EYA4: variants seen among roughly 807,000 people sequenced by gnomAD.
EYA4 encodes EYA transcriptional coactivator and phosphatase 4.
Under a neutral mutation model 87.9 loss-of-function variants are expected in EYA4, and 31 were observed. That is an observed-to-expected ratio of 0.35 (90% CI 0.27 to 0.48). The LOEUF is 0.48. EYA4 is among the 20% of genes least tolerant of loss of function. EYA4 has a pLI of 0.99. For missense variants in EYA4, 678 were observed against 761.4 expected, an observed-to-expected ratio of 0.89 and a Z score of 1.29; for synonymous variants, 263 against 270.6, an observed-to-expected ratio of 0.97 and a Z score of 0.28.
intron 6 of EYA4, among the ~76,000 whole-genome samples, chr6:133,460,532 TA>T (rs1488439057): frequency 6.6e-6 from 1 of 152,170 alleles, no homozygotes; most frequent in Non-Finnish European, 1.5e-5. Context: ...GATTATGTTT[TA>T]AAGAAATCAC....
chr6:133,524,986 G>A (rs1800501638), intron 18 of EYA4, 168 bp from the exon 19 acceptor site: 1 of 1,567,058 alleles, frequency 6.4e-7, no homozygotes, highest in South Asian at 1.1e-5. Context: ...TGCAGTGGCT[G>A]GAAGAATAAG....
intron 2 of EYA4, among the ~76,000 whole-genome samples, chr6:133,294,179 C>T (rs1285534737): frequency 6.7e-6 from 1 of 149,584 alleles, no homozygotes. Flanking sequence ...AGGCAGGTCT[C>T]TTTTTCCCTG....
chr6:133,274,336 A>G (rs1776991936), intron 1 of EYA4, among the ~76,000 whole-genome samples: 1 of 152,180 alleles, frequency 6.6e-6, no homozygotes, highest in African/African-American at 2.4e-5. Flanking sequence ...TACTTTTTCA[A>G]ATTATTTTAT....
At chr6:133,303,101 C>T (rs1163979891) in intron 2 of EYA4, among the ~76,000 whole-genome samples, 2 of 152,050 alleles carry the variant, frequency 1.3e-5, no homozygotes, top group South Asian at 2.1e-4. Context: ...CAGTTATTTG[C>T]TCTATAGTTT....
chr6:133,314,427 A>T lies in EYA4; in HGVS notation c.33+39614A>T, dbSNP rs1243218073. Among the ~76,000 whole-genome samples, 5 of 152,130 alleles carry T rather than the reference A, an allele frequency of 3.3e-5. No individual in the cohort carries two copies. In the East Asian group the frequency reaches 9.6e-4, roughly 29 times the overall value. ...AATGAGAAACATCTCACAGTTAAAT[A>T]TTTTTGTTTTTAGATTAGTCATGAA... On this transcript the variant is annotated intron_variant, in intron 2 of 19. Transcript: ENST00000355286.
intron 3 of EYA4, among the ~76,000 whole-genome samples, chr6:133,417,094 C>T (rs1789782161): frequency 6.6e-6 from 1 of 152,130 alleles, no homozygotes; most frequent in Non-Finnish European, 1.5e-5. Context: ...TTTGATGTGT[C>T]ATTTGAATGT....
At chr6:133,484,130 CT>C (rs1188320198) in intron 13 of EYA4, among the ~76,000 whole-genome samples, 1 of 152,170 alleles carries the variant, frequency 6.6e-6, no homozygotes, top group African/African-American at 2.4e-5. Context: ...AGAAACACAG[CT>C]GTTTAGGCAA....
At chr6:133,485,904 T>G (rs936513604) in intron 13 of EYA4, among the ~76,000 whole-genome samples, 1 of 152,186 alleles carries the variant, frequency 6.6e-6, no homozygotes, top group African/African-American at 2.4e-5. Flanking sequence ...TGTTTGACAT[T>G]TTAGAAGCAA....
intron 1 of EYA4, among the ~76,000 whole-genome samples, chr6:133,260,384 C>T (rs1165259331): frequency 6.6e-6 from 1 of 152,040 alleles, no homozygotes; most frequent in African/African-American, 2.4e-5. Flanking sequence ...ATCACAGGTG[C>T]CCACCACCAT....
intron 7 of EYA4, chr6:133,462,047 T>C: frequency 2.3e-6 from 1 of 425,980 alleles, no homozygotes; most frequent in African/African-American, 2.0e-5. Context: ...TGAGCAAGAA[T>C]TGTAGACCTG....
At chr6:133,444,366 T>C (rs546343563) in intron 3 of EYA4, among the ~76,000 whole-genome samples, 1 of 152,342 alleles carries the variant, frequency 6.6e-6, no homozygotes, top group South Asian at 2.1e-4. Context: ...GTTAATTATC[T>C]GCGTGGTATA....
chr6:133,375,074 A>C (rs1341605031), intron 2 of EYA4, among the ~76,000 whole-genome samples: 1 of 152,022 alleles, frequency 6.6e-6, no homozygotes, highest in Admixed American at 6.6e-5. Flanking sequence ...TTTAAAAGTT[A>C]AGAAGTGAAG....
intron 2 of EYA4, among the ~76,000 whole-genome samples, chr6:133,322,670 G>A (rs1353649121): frequency 6.6e-6 from 1 of 152,114 alleles, no homozygotes; most frequent in Non-Finnish European, 1.5e-5. Context: ...TAATTTTGAG[G>A]TAAAGTTGAT....
At position 133,464,939 on chromosome 6, in the gene EYA4, A is replaced by G; in HGVS notation, c.804+81A>G. 3 of 831,112 alleles carry G rather than the reference A, an allele frequency of 3.6e-6. No homozygotes were observed. The South Asian group carries it at 4.4e-5, about 12-fold the overall frequency. The allele number at this position is 831,112 out of a possible 1,614,324, so 51.5% of individuals were successfully genotyped here. ...TACTCTCAGGTTGCCATATATGTGC[A>G]TACTCTCCCAGAATAAGGTTTCTTT... On this transcript the variant is annotated intron_variant, in intron 10 of 19. Coordinates refer to ENST00000355286, the MANE Select transcript of EYA4 (RefSeq NM_004100.5).
intron 19 of EYA4, among the ~76,000 whole-genome samples, chr6:133,525,521 T>G (rs1162580282): frequency 1.3e-5 from 2 of 152,150 alleles, no homozygotes; most frequent in Non-Finnish European, 2.9e-5. Context: ...ATATATATAG[T>G]AACATATATA....
At chr6:133,324,904 A>ATTTTTTTTTTTT (rs756478373) in intron 2 of EYA4, among the ~76,000 whole-genome samples, 1 of 83,536 alleles carries the variant, frequency 1.2e-5, no homozygotes, top group Non-Finnish European at 2.2e-5. Context: ...TTCAGAAGCT[A>ATTTTTTTTTTTT]TTTTTTTTTT....
At chr6:133,300,580 T>TCTCAGCTCACTGCAACCTCTGCCTC (rs1428526543) in intron 2 of EYA4, among the ~76,000 whole-genome samples, 1 of 152,108 alleles carries the variant, frequency 6.6e-6, no homozygotes, top group African/African-American at 2.4e-5. Flanking sequence ...AGTGGCACAA[T>TCTCAGCTCACTGCAACCTCTGCCTC]CTCAGCTCAC....
chr6:133,440,469 A>G (rs1792164005), intron 3 of EYA4, among the ~76,000 whole-genome samples: 1 of 152,248 alleles, frequency 6.6e-6, no homozygotes. Context: ...TTTGTTTTCT[A>G]GAAGAACGTG....
chr6:133,408,806 A>G (rs1455993517), intron 3 of EYA4, among the ~76,000 whole-genome samples: 4 of 152,208 alleles, frequency 2.6e-5, no homozygotes, highest in East Asian at 3.9e-4. Flanking sequence ...AGACAAGAAT[A>G]TGTTCTCATT....
Sources: allele counts gnomAD v4.1 joint callset (sites outside exome capture counted in the v4.1 genomes callset), GRCh38; gene constraint gnomAD v4.1.1; transcripts MANE v1.5; gene names NCBI Gene and HGNC (gene_info 2026-07-23, HGNC 2026-07-21).